The following CFAP20DC variants were observed in gnomAD, a reference collection of about 807,000 sequenced individuals.
The protein encoded by CFAP20DC is CFAP20 domain containing, also known as protein CFAP20DC.
A neutral mutation model predicts 101.7 loss-of-function variants in CFAP20DC; 84 were observed. The observed-to-expected ratio is 0.83, with a 90% CI of 0.69 to 0.99. The LOEUF is 0.99. CFAP20DC is among the 50% of genes least tolerant of loss of function. The pLI, the probability that CFAP20DC is intolerant of heterozygous loss-of-function variation, is 0.00. For synonymous variants in CFAP20DC, 359 were observed against 351.2 expected, an observed-to-expected ratio of 1.02 and a Z score of -0.25; for missense variants, 1,007 against 970.3, an observed-to-expected ratio of 1.04 and a Z score of -0.50.
At chr3:58,886,529 C>T (rs1303966055) in intron 6 of CFAP20DC, among the ~76,000 whole-genome samples, 1 of 151,688 alleles carries the variant, frequency 6.6e-6, no homozygotes, top group Non-Finnish European at 1.5e-5. Flanking sequence ...CAAGACCAGC[C>T]TGGGTAACAT....
intron 7 of CFAP20DC, among the ~76,000 whole-genome samples, chr3:58,881,200 C>T (rs2081205679): frequency 1.3e-5 from 2 of 152,140 alleles, no homozygotes; most frequent in African/African-American, 4.8e-5. Context: ...TCAGTCTCTT[C>T]TCATTTAAAA....
intron 4 of CFAP20DC, among the ~76,000 whole-genome samples, chr3:58,969,434 T>A (rs2091809257): frequency 6.6e-6 from 1 of 152,132 alleles, no homozygotes; most frequent in South Asian, 2.1e-4. Context: ...TTCAAATACG[T>A]AAAGTTCCAT....
chr3:58,967,513 CTTCATAAAAATTAAAAA>C (rs1348581752), intron 4 of CFAP20DC, among the ~76,000 whole-genome samples: 1 of 152,054 alleles, frequency 6.6e-6, no homozygotes, highest in Non-Finnish European at 1.5e-5. Context: ...ATAAACTAGA[CTTCATAAAAATTAAAAA>C]CTTTTGTCCT....
intron 12 of CFAP20DC, among the ~76,000 whole-genome samples, chr3:58,856,017 GA>G (rs2078768809): frequency 6.6e-6 from 1 of 150,754 alleles, no homozygotes; most frequent in Non-Finnish European, 1.5e-5. Flanking sequence ...AGAAAAAAAG[GA>G]ATGACTGTAG....
chr3:58,764,655 T>A (rs985090389), intron 15 of CFAP20DC, among the ~76,000 whole-genome samples: 2 of 152,164 alleles, frequency 1.3e-5, no homozygotes, highest in Admixed American at 1.3e-4. Context: ...TATTCGGCCA[T>A]CTTGGCTCCA....
chr3:58,996,025 T>TCTATCTAC (rs1553760737), intron 4 of CFAP20DC, among the ~76,000 whole-genome samples: 1 of 151,366 alleles, frequency 6.6e-6, no homozygotes, highest in Non-Finnish European at 1.5e-5. Flanking sequence ...TATCTATCTA[T>TCTATCTAC]TGTTTCTGTT....
At position 58,809,260 on chromosome 3, in the gene CFAP20DC, C is replaced by G. The variant is rs1234755189; in HGVS notation, c.2176-2804G>C. ...TCAACAGAATATACATTTTTTTCAG[C>G]ACCACACCACACCTATTCCAAAATT... On this transcript the variant is annotated intron_variant, in intron 14 of 16. Transcript: ENST00000482387. Among the ~76,000 whole-genome samples, 6 of 151,988 alleles carry G rather than the reference C, an allele frequency of 3.9e-5. No individual in the cohort carries two copies. The East Asian group carries it at 1.2e-3, about 29-fold the overall frequency.
chr3:58,840,072 G>A (rs1230301719), intron 13 of CFAP20DC, among the ~76,000 whole-genome samples: 3 of 152,232 alleles, frequency 2.0e-5, no homozygotes, highest in Non-Finnish European at 2.9e-5. Context: ...ACAGGAACAA[G>A]TTACACCTGG....
chr3:58,922,897 T>C (rs1165520610), intron 5 of CFAP20DC, among the ~76,000 whole-genome samples: 2 of 152,196 alleles, frequency 1.3e-5, no homozygotes, highest in African/African-American at 4.8e-5. Flanking sequence ...GACATAATAT[T>C]AGAATATGTC....
chr3:59,018,086 G>C (rs1046850690), intron 4 of CFAP20DC: 12 of 152,184 alleles, frequency 7.9e-5, no homozygotes, highest in African/African-American at 2.9e-4. Flanking sequence ...GGGCTAGAGT[G>C]TGATCCATTT....
intron 7 of CFAP20DC, among the ~76,000 whole-genome samples, chr3:58,873,727 AT>A (rs1423879339): frequency 6.6e-6 from 1 of 151,936 alleles, no homozygotes. Context: ...GCTATTCTGG[AT>A]GCAGTTAGGC....
intron 14 of CFAP20DC, 35 bp from the exon 15 acceptor site, chr3:58,806,491 A>G: frequency 1.3e-6 from 2 of 1,492,966 alleles, no homozygotes; most frequent in South Asian, 2.3e-5. Flanking sequence ...ATGTTTAATC[A>G]GCACAAAGCT....
Position 58,899,582 on chromosome 3 carries a change from C to G in CFAP20DC, c.550+14126G>C, listed in dbSNP as rs185526996. Among the ~76,000 whole-genome samples, 4 of 152,238 alleles carry G rather than the reference C, an allele frequency of 2.6e-5. No homozygotes were observed. In the East Asian group the frequency reaches 7.7e-4, roughly 29 times the overall value. ...GCTGCTCTGCTGGGACTCCACACAGCTCTGTTTATTGGACCCAGTACCCTG... is the reference window on the plus strand; with the variant it reads ...GCTGCTCTGCTGGGACTCCACACAGGTCTGTTTATTGGACCCAGTACCCTG... On this transcript the variant is annotated intron_variant, in intron 6 of 16. Transcript: ENST00000482387. The surrounding 1 kb of genome is among the most constrained non-coding windows in gnomAD (Gnocchi z 5.0).
Position 58,732,891 on chromosome 3 carries a change from A to G in CFAP20DC, c.198-15263T>C, listed in dbSNP as rs1218352862. On this transcript the variant is annotated intron_variant, in intron 3 of 3. Transcript: ENST00000486145. This position sits in a 1 kb window ranked among gnomAD's most constrained non-coding sequence, Gnocchi z 5.4. ...TAGACATTTGGAGAGAACCATTTGT[A>G]GGGGATGGCTGACCTTCCGAGTAGA... Among the ~76,000 whole-genome samples, 2 of 152,262 alleles carry G rather than the reference A, an allele frequency of 1.3e-5. No homozygotes were observed. The highest frequency in any genetic ancestry group is 2.9e-5 in the Non-Finnish European group (2 of 68,042).
intron 15 of CFAP20DC, among the ~76,000 whole-genome samples, chr3:58,758,219 C>A (rs1432375055): frequency 6.6e-6 from 1 of 152,148 alleles, no homozygotes; most frequent in East Asian, 1.9e-4. Context: ...TGCAGTCCAG[C>A]ATCTGTATCT....
chr3:58,762,940 A>C (rs1159419743), intron 15 of CFAP20DC, among the ~76,000 whole-genome samples: 5 of 152,074 alleles, frequency 3.3e-5, no homozygotes, highest in African/African-American at 4.8e-5. Flanking sequence ...TTTGTGGCTA[A>C]CCTGACCTTT....
intron 4 of CFAP20DC, among the ~76,000 whole-genome samples, chr3:58,969,912 T>C (rs2091851441): frequency 6.6e-6 from 1 of 152,052 alleles, no homozygotes. Flanking sequence ...CTTTTCAGGG[T>C]GATGAAAACA....
chr3:58,954,003 T>C (rs1382039914), intron 4 of CFAP20DC, among the ~76,000 whole-genome samples: 4 of 152,222 alleles, frequency 2.6e-5, no homozygotes, highest in Non-Finnish European at 4.4e-5. Context: ...AATGGGGTAG[T>C]TGACGGGAAA....
At chr3:58,801,901 C>A (rs2073738173) in intron 15 of CFAP20DC, among the ~76,000 whole-genome samples, 1 of 152,188 alleles carries the variant, frequency 6.6e-6, no homozygotes, top group South Asian at 2.1e-4. Flanking sequence ...AATCATTGAG[C>A]AAACACTTTA....
Sources: gnomAD v4.1 joint callset for allele counts (sites outside exome capture counted in the v4.1 genomes callset) on GRCh38, gnomAD v4.1.1 for gene constraint, Gnocchi (gnomAD v3.1) non-coding constraint, MANE v1.5 for transcripts, NCBI Gene and HGNC (gene_info 2026-07-23, HGNC 2026-07-21) for gene names.